Variants in LTBP1 observed in about 807,000 individuals in gnomAD.
LTBP1 encodes the protein latent transforming growth factor beta binding protein 1.
A neutral mutation model predicts 207.6 loss-of-function variants in LTBP1; 129 were observed. The ratio of observed to expected loss-of-function variants is 0.62; its 90% CI spans 0.54 to 0.72. LTBP1 has a LOEUF of 0.72. Ranked by LOEUF, LTBP1 falls within the 30% of genes least tolerant of loss-of-function variation. The pLI is 0.00. For missense variants in LTBP1, 2,281 were observed against 2,217.2 expected (o/e 1.03, Z -0.58); for synonymous variants, 963 against 833.7 (o/e 1.16, Z -2.67).
At chr2:33,326,782 C>A (rs894493422) in intron 24 of LTBP1, among the ~76,000 whole-genome samples, 1 of 151,948 alleles carries the variant, frequency 6.6e-6, no homozygotes, top group African/African-American at 2.4e-5. Flanking sequence ...CCTCAGCCTC[C>A]CCAGTAGCTG....
intron 5 of LTBP1, among the ~76,000 whole-genome samples, chr2:33,172,922 T>C (rs1361642363): frequency 6.6e-6 from 1 of 151,850 alleles, no homozygotes; most frequent in Non-Finnish European, 1.5e-5. Flanking sequence ...CATAACAAAA[T>C]GAAGGCAGAA....
At position 33,193,143 on chromosome 2, in the gene LTBP1, T is replaced by TTTTG. The variant is rs567023610; in HGVS notation, c.1701+4304_1701+4307dup. 1.6e-3 allele frequency among the ~76,000 whole-genome samples: 242 copies of TTTTG among 152,174 alleles called. 2 individuals are homozygous for TTTTG. The highest frequency in any genetic ancestry group is 5.6e-3 in the African/African-American group (234 of 41,498). ...TATGTAGGAAAATATCCTTATTCTTTTTTGTTTGTTTGTTTTGAGATGGAG... is the reference window on the plus strand; with the variant it reads ...TATGTAGGAAAATATCCTTATTCTTTTTTGTTTGTTTGTTTGTTTTGAGATGGAG... On this transcript the variant is annotated intron_variant, in intron 7 of 33. Transcript: ENST00000404816.
At chr2:33,102,097 T>C (rs1558638614) in intron 3 of LTBP1, among the ~76,000 whole-genome samples, 1 of 152,170 alleles carries the variant, frequency 6.6e-6, no homozygotes, top group East Asian at 1.9e-4. Flanking sequence ...GCAGTTTTGA[T>C]CTCCTCCTTC....
chr2:33,312,566 A>G (rs1057262444), intron 23 of LTBP1, among the ~76,000 whole-genome samples: 15 of 152,310 alleles, frequency 9.8e-5, no homozygotes, highest in South Asian at 4.1e-4. Flanking sequence ...TCTGGCTTTC[A>G]GCTTGAAGTT....
In LTBP1 at chr2:33,342,876, C is replaced by G. The variant is rs778553662; in HGVS notation, c.3769C>G (p.His1257Asp). ...ECVNNTVCDS[H>D]GFCDNTAGSF... ...TGTAAACAACACTGTTTGTGACAGT[C>G]ACGGGTTTTGTGACAATACAGCTGG... The change falls in exon 25 of 34, where the codon CAC (histidine) becomes GAC (aspartate). Residue 1257 changes from histidine (H) to aspartate (D), a missense_variant. Around this residue, in one of 3 missense-constraint regions of LTBP1, gnomAD observed 1,671 missense variants for 1,634.8 expected, o/e 1.02. Transcript: ENST00000404816. The G allele has an allele frequency of 1.7e-5, 28 of 1,614,056 alleles. No homozygotes were observed. The Admixed American group carries it at 4.7e-4, about 27-fold the overall frequency.
chr2:33,292,481 A>G (rs73925006), intron 19 of LTBP1, among the ~76,000 whole-genome samples: 6,252 of 152,272 alleles, frequency 0.041, 433 homozygotes, highest in African/African-American at 0.13. Context: ...TGGTTGGCCC[A>G]TAAGGATTTT....
chr2:33,029,484 GA>G (rs111646382), intron 3 of LTBP1, among the ~76,000 whole-genome samples: 30 of 146,418 alleles, frequency 2.0e-4, no homozygotes, highest in African/African-American at 5.5e-4. Context: ...CTCAAAAGAA[GA>G]AAAAAAAAAG....
intron 24 of LTBP1, 152 bp downstream of exon 24, chr2:33,315,421 T>C (rs1027300041): frequency 3.6e-5 from 35 of 976,666 alleles, no homozygotes; most frequent in Non-Finnish European, 5.1e-5. Flanking sequence ...TCTGAAAGCA[T>C]AGCTCAGGGG....
chr2:33,282,170 A>G (rs915044236), intron 19 of LTBP1, among the ~76,000 whole-genome samples: 1 of 152,000 alleles, frequency 6.6e-6, no homozygotes, highest in South Asian at 2.1e-4. Flanking sequence ...ATAAGCAGAA[A>G]TATTAGATCA....
At chr2:33,314,393 T>C (rs771172291) in intron 23 of LTBP1, among the ~76,000 whole-genome samples, 3 of 152,108 alleles carry the variant, frequency 2.0e-5, no homozygotes, top group South Asian at 2.1e-4. Context: ...CTGCCAAAAA[T>C]TTAAAAAATT....
At chr2:33,356,379 C>T (rs1448135788) in intron 26 of LTBP1, among the ~76,000 whole-genome samples, 2 of 152,132 alleles carry the variant, frequency 1.3e-5, no homozygotes, top group Non-Finnish European at 2.9e-5. Context: ...AAGTTTCAAG[C>T]TTTAAGATCA....
chr2:33,347,623 A>G, intron 26 of LTBP1, 113 bp downstream of exon 26: 4 of 1,265,458 alleles, frequency 3.2e-6, no homozygotes, highest in Non-Finnish European at 4.5e-6. Context: ...AGATGTCCTG[A>G]CACAGTGCTG....
chr2:33,263,958 G>GA (rs796992102), intron 15 of LTBP1, among the ~76,000 whole-genome samples: 8,915 of 69,634 alleles, frequency 0.13, 702 homozygotes, highest in African/African-American at 0.3. Context: ...TCTAAAAAAA[G>GA]AAAAAAAAAA....
intron 31 of LTBP1, among the ~76,000 whole-genome samples, chr2:33,371,842 A>G (rs182892924): frequency 4.0e-4 from 61 of 152,320 alleles, no homozygotes; most frequent in African/African-American, 1.4e-3. Context: ...GGAAAATTCC[A>G]AAAATAAACA....
At chr2:32,953,985 T>C (rs1677628596) in intron 2 of LTBP1, among the ~76,000 whole-genome samples, 1 of 151,828 alleles carries the variant, frequency 6.6e-6, no homozygotes, top group Non-Finnish European at 1.5e-5. Context: ...GGGGTGGGGG[T>C]AACTTGTGTG....
intron 21 of LTBP1, among the ~76,000 whole-genome samples, chr2:33,300,847 G>A (rs778296636): frequency 4.6e-5 from 7 of 152,050 alleles, no homozygotes; most frequent in Admixed American, 3.9e-4. Context: ...TACTACAGAA[G>A]GTAATTTCCA....
intron 3 of LTBP1, among the ~76,000 whole-genome samples, chr2:33,065,580 C>T (rs1371295137): frequency 1.3e-5 from 2 of 151,996 alleles, no homozygotes; most frequent in African/African-American, 4.8e-5. Context: ...AAAAAAATCC[C>T]ACTTTGTCAG....
At chr2:32,996,940 T>C (rs1685380513) in intron 2 of LTBP1, among the ~76,000 whole-genome samples, 1 of 152,024 alleles carries the variant, frequency 6.6e-6, no homozygotes. Flanking sequence ...GCTGGAGTGC[T>C]GTGGCATAAT....
At chr2:33,190,430 A>C (rs1262080611) in intron 7 of LTBP1, among the ~76,000 whole-genome samples, 6 of 152,220 alleles carry the variant, frequency 3.9e-5, no homozygotes, top group Admixed American at 2.0e-4. Context: ...TTAGGTAGTA[A>C]GTCAATGGTA....
Sources: gnomAD v4.1 joint callset for allele counts (sites outside exome capture counted in the v4.1 genomes callset) on GRCh38, gnomAD v4.1.1 for gene constraint, gnomAD v4.1.1 regional missense constraint, MANE v1.5 for transcripts, NCBI Gene and HGNC (gene_info 2026-07-23, HGNC 2026-07-21) for gene names.